Variants in DOCK4 observed in about 807,000 individuals in gnomAD.
DOCK4 encodes the protein dedicator of cytokinesis 4.
A neutral mutation model predicts 268.1 loss-of-function variants in DOCK4; 97 were observed. The ratio of observed to expected loss-of-function variants is 0.36; its 90% CI spans 0.31 to 0.43. DOCK4 has a LOEUF of 0.43. Among genes scored for constraint, DOCK4 ranks in the 20% least tolerant of loss-of-function variants. DOCK4 has a pLI of 1.00. For synonymous variants in DOCK4, 954 were observed against 887.2 expected (o/e 1.08, Z -1.34); for missense variants, 2,145 against 2,455.7 (o/e 0.87, Z 2.67).
intron 1 of DOCK4, among the ~76,000 whole-genome samples, chr7:112,112,155 G>A (rs1248961031): frequency 6.6e-6 from 1 of 152,146 alleles, no homozygotes; most frequent in Admixed American, 6.5e-5. Flanking sequence ...GGGCTTAGTG[G>A]GCTGGGCTTG....
intron 1 of DOCK4, among the ~76,000 whole-genome samples, chr7:112,095,829 C>A (rs1055664881): frequency 6.6e-6 from 1 of 152,068 alleles, no homozygotes; most frequent in Non-Finnish European, 1.5e-5. Flanking sequence ...CACCTGCAAT[C>A]CCAGCATTTT....
chr7:111,739,469 T>C lies in DOCK4; in HGVS notation c.5049A>G (p.Pro1683=), dbSNP rs751624280. The C allele has an allele frequency of 7.0e-6, 11 of 1,565,244 alleles. No individual in the cohort carries two copies. Among genetic ancestry groups the C allele is most frequent in the Admixed American group, 3.8e-5 (2 of 52,320 alleles). Residue 1683 remains proline (P), a synonymous_variant, in exon 48 of 53, where the codon CCA becomes CCG. Coordinates refer to ENST00000428084, the MANE Select transcript of DOCK4 (RefSeq NM_001363540.2). ...GAGTAGAACTCAAGCTTGAGGTAGA[T>C]GGACTTGGCTGGAAACACACAGGGA... ...SDEVFNMQPS[P]STSSLSSTHS...
At chr7:112,186,758 AG>A (rs1819521847) in intron 1 of DOCK4, among the ~76,000 whole-genome samples, 1 of 152,196 alleles carries the variant, frequency 6.6e-6, no homozygotes, top group Non-Finnish European at 1.5e-5. Flanking sequence ...AATATTCACC[AG>A]GTATGCCACA....
In DOCK4 at chr7:111,880,666, T is replaced by C. The variant is rs185475964; in HGVS notation, c.1588-3480A>G. 3.3e-5 allele frequency among the ~76,000 whole-genome samples: 5 copies of C among 152,260 alleles called. No homozygotes were observed. In the South Asian group the frequency reaches 6.2e-4, roughly 19 times the overall value. On this transcript the variant is annotated intron_variant, in intron 16 of 52. Coordinates refer to ENST00000428084, the MANE Select transcript of DOCK4 (RefSeq NM_001363540.2). The stretch of plus-strand genomic sequence containing the variant: ...ACTGGAGGAATCACATTACGTTACT[T>C]TGAATTCTACTACAGAGCTATAGTA...
chr7:111,757,068 G>A (rs950431919), intron 41 of DOCK4, among the ~76,000 whole-genome samples: 2 of 152,086 alleles, frequency 1.3e-5, no homozygotes, highest in African/African-American at 4.8e-5. Flanking sequence ...CAGGAGGAGC[G>A]GCTTGCGAAA....
At chr7:112,008,594 T>C (rs1801042417) in intron 1 of DOCK4, among the ~76,000 whole-genome samples, 1 of 152,238 alleles carries the variant, frequency 6.6e-6, no homozygotes, top group Non-Finnish European at 1.5e-5. Flanking sequence ...TGATGCTATT[T>C]GCTCATGCCA....
Position 111,761,062 on chromosome 7 carries a change from C to CT in DOCK4, c.4021-741dup, listed in dbSNP as rs34238929. ...TAATTGGGGAACCAGGGCTTAAAGTCTTTTTTTTTTTTTTTTAAGATGGAG... is the reference window on the plus strand; with the variant it reads ...TAATTGGGGAACCAGGGCTTAAAGTCTTTTTTTTTTTTTTTTTAAGATGGAG... On this transcript the variant is annotated intron_variant, in intron 39 of 52. Coordinates refer to ENST00000428084, the MANE Select transcript of DOCK4 (RefSeq NM_001363540.2). Among the ~76,000 whole-genome samples the CT allele has an allele frequency of 7.0e-3, 993 of 140,996 alleles. 12 individuals are homozygous for CT. The highest frequency in any genetic ancestry group is 0.021 in the African/African-American group (820 of 38,494). The allele number at this position is 140,996 out of a possible 152,430, so 92.5% of individuals were successfully genotyped here.
intron 1 of DOCK4, among the ~76,000 whole-genome samples, chr7:112,036,990 A>G (rs1260747235): frequency 2.0e-5 from 3 of 152,180 alleles, no homozygotes; most frequent in Non-Finnish European, 4.4e-5. Context: ...ATGATGTGAA[A>G]GCAATACACA....
chr7:111,868,174 AAAGT>A lies in DOCK4; in HGVS notation c.2110-24_2110-21del, dbSNP rs1198205418. Reference sequence around the variant, plus strand: ...TTGTGCCTTAAAAATACAATTTTTAAAAGTTAGCTTCAAAGGAGACAAAGAGTAT... The same window carrying A: ...TTGTGCCTTAAAAATACAATTTTTAATAGCTTCAAAGGAGACAAAGAGTAT... On this transcript the variant is annotated intron_variant, in intron 21 of 52. Transcript: ENST00000428084. 1 of 1,552,582 alleles carries A rather than the reference AAAGT, an allele frequency of 6.4e-7. No individual in the cohort carries two copies. Among genetic ancestry groups the A allele is most frequent in the South Asian group, 1.2e-5 (1 of 83,186 alleles).
chr7:111,745,808 C>G (rs899081404), intron 44 of DOCK4, among the ~76,000 whole-genome samples: 4 of 151,328 alleles, frequency 2.6e-5, no homozygotes, highest in African/African-American at 9.7e-5. Flanking sequence ...TTGAACATCC[C>G]TAATACAAAA....
intron 8 of DOCK4, among the ~76,000 whole-genome samples, chr7:111,969,602 A>G (rs943204144): frequency 6.6e-6 from 1 of 151,920 alleles, no homozygotes; most frequent in Non-Finnish European, 1.5e-5. Context: ...ATCTCAGGTG[A>G]ATAGGTTCTG....
At chr7:111,931,946 T>C (rs1193101847) in intron 12 of DOCK4, among the ~76,000 whole-genome samples, 1 of 152,218 alleles carries the variant, frequency 6.6e-6, no homozygotes, top group Non-Finnish European at 1.5e-5. Flanking sequence ...CTATACTCTC[T>C]AAGAGATGAC....
At chr7:111,758,157 A>G (rs556706501) in intron 41 of DOCK4, among the ~76,000 whole-genome samples, 1 of 152,222 alleles carries the variant, frequency 6.6e-6, no homozygotes, top group South Asian at 2.1e-4. Context: ...AACTTACCCA[A>G]CGTACCAGCA....
At chr7:111,871,937 G>A in intron 20 of DOCK4, 53 bp downstream of exon 20, 2 of 1,411,036 alleles carry the variant, frequency 1.4e-6, no homozygotes, top group Non-Finnish European at 1.9e-6. Context: ...CTTCTGCTGA[G>A]AAAAGCTTGA....
intron 7 of DOCK4, among the ~76,000 whole-genome samples, chr7:111,981,524 A>G (rs1798607534): frequency 1.3e-5 from 2 of 152,238 alleles, no homozygotes; most frequent in Non-Finnish European, 2.9e-5. Context: ...AACTTAAAAT[A>G]GAAGTTGAAG....
chr7:112,029,170 A>C (rs1391608238), intron 1 of DOCK4, among the ~76,000 whole-genome samples: 1 of 152,100 alleles, frequency 6.6e-6, no homozygotes, highest in Non-Finnish European at 1.5e-5. Context: ...CGTCCACTGG[A>C]TCCAACACAT....
At chr7:111,950,862 GAT>G (rs1795998556) in intron 8 of DOCK4, among the ~76,000 whole-genome samples, 1 of 152,104 alleles carries the variant, frequency 6.6e-6, no homozygotes, top group South Asian at 2.1e-4. Context: ...AAACTATACT[GAT>G]ATGTTTTCAA....
rs960352959 is a variant in DOCK4 at position 112,186,987 on chromosome 7, CT to C, written c.37+19114del. Among the ~76,000 whole-genome samples, 35 of 151,130 alleles carry C rather than the reference CT, an allele frequency of 2.3e-4. 1 individual carries two copies. In the South Asian group the frequency reaches 4.0e-3, roughly 17 times the overall value. ...CCACTAATTAAACACTTTTGTTTCT[CT>C]TTTTTTTTAAGCCATTAATACTGAT... On this transcript the variant is annotated intron_variant, in intron 1 of 52. Transcript: ENST00000428084.
chr7:111,739,525 C>G (rs913055800), intron 47 of DOCK4, 48 bp from the exon 48 acceptor site: 1 of 1,477,620 alleles, frequency 6.8e-7, no homozygotes, highest in East Asian at 2.5e-5. Flanking sequence ...AAAGGCTTCC[C>G]ACGACACTGA....
Sources: gnomAD v4.1 joint callset for allele counts (sites outside exome capture counted in the v4.1 genomes callset) on GRCh38, gnomAD v4.1.1 for gene constraint, MANE v1.5 for transcripts, NCBI Gene and HGNC (gene_info 2026-07-23, HGNC 2026-07-21) for gene names.